Variants in LRRC7 observed in about 807,000 individuals in gnomAD.
LRRC7 encodes the protein leucine-rich repeat-containing protein 7.
Under a neutral mutation model 175.7 loss-of-function variants are expected in LRRC7, and 23 were observed. That is an observed-to-expected ratio of 0.13 (90% CI 0.09 to 0.19). The LOEUF (loss-of-function observed/expected upper bound fraction) is 0.19, where lower values mean the gene tolerates loss of function less well. Among genes scored for constraint, LRRC7 ranks in the 10% least tolerant of loss-of-function variants. The pLI, the probability that LRRC7 is intolerant of heterozygous loss-of-function variation, is 1.00. For missense variants in LRRC7, 1,354 were observed against 1,904.7 expected (o/e 0.71, Z 5.38); for synonymous variants, 685 against 680.9 (o/e 1.01, Z -0.09).
At chr1:69,661,752 T>C (rs75789160) in intron 1 of LRRC7, among the ~76,000 whole-genome samples, 203 of 152,300 alleles carry the variant, frequency 1.3e-3, no homozygotes, top group Non-Finnish European at 1.8e-3. Flanking sequence ...CCCCAGATTA[T>C]AAAATGAATG....
chr1:69,834,744 A>T (rs1280484868), intron 5 of LRRC7, 36 bp from the exon 6 acceptor site: 1 of 1,473,582 alleles, frequency 6.8e-7, no homozygotes, highest in East Asian at 2.3e-5. Flanking sequence ...CTATAGCAAC[A>T]TCAATGCAGT....
chr1:69,962,435 A>G (rs1333737774), intron 8 of LRRC7, among the ~76,000 whole-genome samples: 1 of 152,176 alleles, frequency 6.6e-6, no homozygotes, highest in East Asian at 1.9e-4. Flanking sequence ...TTCCTCAAAG[A>G]CCTAAAGAAA....
chr1:70,047,795 A>G (rs1022604264), intron 22 of LRRC7, among the ~76,000 whole-genome samples: 5 of 152,026 alleles, frequency 3.3e-5, no homozygotes, highest in Non-Finnish European at 7.4e-5. Flanking sequence ...ATATTAAGAA[A>G]ATGCCAACAA....
chr1:69,663,700 ATTTTTTT>A (rs552339451), intron 1 of LRRC7, among the ~76,000 whole-genome samples: 5 of 67,740 alleles, frequency 7.4e-5, no homozygotes, highest in African/African-American at 6.7e-5. Context: ...AATCGTTTTA[ATTTTTTT>A]TTTTTTTTTT....
At chr1:69,589,848 T>C (rs900682439) in intron 1 of LRRC7, among the ~76,000 whole-genome samples, 2 of 152,194 alleles carry the variant, frequency 1.3e-5, no homozygotes, top group Non-Finnish European at 2.9e-5. Context: ...AATCACAATC[T>C]ATACCTATTT....
chr1:70,000,276 T>C (rs114678798), intron 11 of LRRC7, among the ~76,000 whole-genome samples: 18 of 152,346 alleles, frequency 1.2e-4, no homozygotes, highest in Non-Finnish European at 2.6e-4. Context: ...TAATACTGTA[T>C]TTTTACTGTA....
At chr1:69,613,979 ATAATAATATTTATC>A (rs952210529) in intron 1 of LRRC7, among the ~76,000 whole-genome samples, 2 of 152,050 alleles carry the variant, frequency 1.3e-5, no homozygotes, top group Non-Finnish European at 2.9e-5. Flanking sequence ...ATAAGAAAAT[ATAATAATATTTATC>A]TATCCTACAA....
chr1:69,726,073 A>C (rs552336635), intron 2 of LRRC7, among the ~76,000 whole-genome samples: 6 of 152,324 alleles, frequency 3.9e-5, no homozygotes, highest in Non-Finnish European at 7.3e-5. Context: ...ATTCACATTT[A>C]TCAAGTCATT....
intron 1 of LRRC7, among the ~76,000 whole-genome samples, chr1:69,652,942 C>T (rs1174137438): frequency 6.6e-6 from 1 of 151,674 alleles, no homozygotes; most frequent in Non-Finnish European, 1.5e-5. Flanking sequence ...ACACAAAAAT[C>T]AACTCAAAAT....
At chr1:69,923,414 A>ACTAGTTTACAGT (rs1646954784) in intron 7 of LRRC7, among the ~76,000 whole-genome samples, 1 of 152,086 alleles carries the variant, frequency 6.6e-6, no homozygotes, top group Admixed American at 6.6e-5. Context: ...CAATGGTTGA[A>ACTAGTTTACAGT]CTAGTTTACA....
chr1:69,647,041 A>C (rs1655102311), intron 1 of LRRC7, among the ~76,000 whole-genome samples: 1 of 152,198 alleles, frequency 6.6e-6, no homozygotes, highest in South Asian at 2.1e-4. Context: ...AGTAGGAAAC[A>C]GAATCCTAGA....
chr1:69,905,320 A>G (rs1471179127), intron 7 of LRRC7, among the ~76,000 whole-genome samples: 1 of 151,790 alleles, frequency 6.6e-6, no homozygotes, highest in African/African-American at 2.4e-5. Context: ...GGTTTGTTAC[A>G]TATGTATACA....
chr1:70,026,103 C>CA (rs1349444039), intron 17 of LRRC7, among the ~76,000 whole-genome samples: 2 of 152,002 alleles, frequency 1.3e-5, no homozygotes, highest in Non-Finnish European at 2.9e-5. Flanking sequence ...CAGCATCTAA[C>CA]AAAAAATACA....
chr1:69,789,479 C>T (rs1674865075), intron 3 of LRRC7, among the ~76,000 whole-genome samples: 1 of 151,950 alleles, frequency 6.6e-6, no homozygotes, highest in Non-Finnish European at 1.5e-5. Context: ...CATTTTAATT[C>T]AAAGCTTTCG....
intron 2 of LRRC7, 52 bp downstream of exon 2, chr1:69,678,530 G>A (rs1660083293): frequency 1.5e-6 from 2 of 1,301,028 alleles, no homozygotes; most frequent in Non-Finnish European, 1.1e-6. Flanking sequence ...TTGGTGAGTA[G>A]CATAGTAAAA....
At position 70,141,223 on chromosome 1, in the gene LRRC7, C is replaced by G. The variant is rs747951382; in HGVS notation, c.*19336C>G. ...GTTGGGACAATTCAGGGTTCAGGTA[C>G]GAAAAGGGTATGAAGCCTACTGAAA... is the stretch of plus-strand genomic sequence containing the variant. On this transcript the variant is annotated 3_prime_UTR_variant, in exon 27 of 27. Transcript: ENST00000651989. 1.1e-3 allele frequency among the ~76,000 whole-genome samples: 168 copies of G among 151,830 alleles called. 2 individuals are homozygous for G. Among genetic ancestry groups the G allele is most frequent in the South Asian group, 3.5e-3 (17 of 4,794 alleles).
rs1334793453 is a variant in LRRC7 at position 70,135,101 on chromosome 1, CTTT to C, written c.*13217_*13219del. Among the ~76,000 whole-genome samples, 2 of 152,110 alleles carry C rather than the reference CTTT, an allele frequency of 1.3e-5. No individual in the cohort carries two copies. Among genetic ancestry groups the C allele is most frequent in the African/African-American group, 4.8e-5 (2 of 41,412 alleles). On this transcript the variant is annotated 3_prime_UTR_variant, in exon 27 of 27. Transcript: ENST00000651989. ...TTTGTATGTATGTATTCCAGTTGCG[CTTT>C]TTATTTCTTTTTTCCTTTCTTTTCT... is the stretch of plus-strand genomic sequence containing the variant.
At chr1:70,111,223 C>T (rs1665505338) in intron 26 of LRRC7, among the ~76,000 whole-genome samples, 1 of 152,258 alleles carries the variant, frequency 6.6e-6, no homozygotes, top group African/African-American at 2.4e-5. Flanking sequence ...CTCTATAATT[C>T]TTTATACCAT....
intron 7 of LRRC7, among the ~76,000 whole-genome samples, chr1:69,922,769 C>G (rs1646930773): frequency 6.6e-6 from 1 of 151,906 alleles, no homozygotes; most frequent in Non-Finnish European, 1.5e-5. Context: ...TCATAGCATC[C>G]ACCTCGAAAT....
Sources: gnomAD v4.1 joint callset for allele counts (sites outside exome capture counted in the v4.1 genomes callset) on GRCh38, gnomAD v4.1.1 for gene constraint, MANE v1.5 for transcripts, NCBI Gene and HGNC (gene_info 2026-07-23, HGNC 2026-07-21) for gene names.